PAPPA: variants seen among roughly 807,000 people sequenced by gnomAD.
PAPPA encodes pappalysin 1, also known as pappalysin-1.
In PAPPA, 60 loss-of-function variants were observed where a neutral mutation model predicts 164.0. That is an observed-to-expected ratio of 0.37 (90% CI 0.30 to 0.45). The LOEUF (loss-of-function observed/expected upper bound fraction) is 0.45, where lower values mean the gene tolerates loss of function less well. Ranked by LOEUF, PAPPA falls within the 20% of genes least tolerant of loss-of-function variation. The pLI is 1.00. For missense variants in PAPPA, 1,782 were observed against 2,087.3 expected, an observed-to-expected ratio of 0.85 and a Z score of 2.85; for synonymous variants, 875 against 814.1, an observed-to-expected ratio of 1.07 and a Z score of -1.27.
chr9:116,251,735 G>C (rs1028009395), intron 7 of PAPPA, among the ~76,000 whole-genome samples: 2 of 152,174 alleles, frequency 1.3e-5, no homozygotes, highest in African/African-American at 2.4e-5. Flanking sequence ...AGAATGTTTG[G>C]GGAAGCTGTC....
intron 17 of PAPPA, among the ~76,000 whole-genome samples, chr9:116,358,999 A>G (rs1424381502): frequency 3.9e-5 from 6 of 152,126 alleles, no homozygotes; most frequent in African/African-American, 1.4e-4. Context: ...CCTCATGATC[A>G]CTCTCTCAGG....
intron 6 of PAPPA, among the ~76,000 whole-genome samples, chr9:116,230,976 A>C (rs1328789684): frequency 6.6e-6 from 1 of 151,804 alleles, no homozygotes; most frequent in Non-Finnish European, 1.5e-5. Flanking sequence ...TGTTTTCTCT[A>C]TTTTTCTGCC....
intron 7 of PAPPA, among the ~76,000 whole-genome samples, chr9:116,244,245 C>G (rs892268246): frequency 6.6e-6 from 1 of 152,052 alleles, no homozygotes; most frequent in Non-Finnish European, 1.5e-5. Context: ...CTAATACCAC[C>G]AAAATTGCTT....
At chr9:116,348,710 G>T (rs1200988930) in intron 15 of PAPPA, among the ~76,000 whole-genome samples, 3 of 152,034 alleles carry the variant, frequency 2.0e-5, no homozygotes, top group East Asian at 3.9e-4. Context: ...GTGTCCATGT[G>T]TTCTCATTAT....
chr9:116,367,891 G>C, intron 19 of PAPPA, 137 bp downstream of exon 19: 1 of 676,258 alleles, frequency 1.5e-6, no homozygotes, highest in Non-Finnish European at 2.7e-6. Flanking sequence ...TGCCCTGTGG[G>C]TGTGTGTTGC....
intron 7 of PAPPA, among the ~76,000 whole-genome samples, chr9:116,253,528 A>T (rs1587973230): frequency 6.6e-6 from 1 of 152,168 alleles, no homozygotes; most frequent in Non-Finnish European, 1.5e-5. Context: ...TCCCAAGGGC[A>T]TACAATACTT....
At chr9:116,167,991 C>G (rs946600720) in intron 1 of PAPPA, among the ~76,000 whole-genome samples, 1 of 152,126 alleles carries the variant, frequency 6.6e-6, no homozygotes, top group African/African-American at 2.4e-5. Flanking sequence ...AAAATTGAAA[C>G]TAAAATTTAG....
Position 116,204,563 on chromosome 9 carries a change from G to A in PAPPA, c.1479-2893G>A, listed in dbSNP as rs141270712. Among the ~76,000 whole-genome samples, 647 of 152,192 alleles carry A rather than the reference G, an allele frequency of 4.3e-3. 6 individuals carry two copies. Among genetic ancestry groups the A allele is most frequent in the African/African-American group, 0.014 (599 of 41,534 alleles). On this transcript the variant is annotated intron_variant, in intron 2 of 21. Coordinates refer to ENST00000328252, the MANE Select transcript of PAPPA (RefSeq NM_002581.5). ...CGAAGTACTGGGACTACAGGCATGT[G>A]CCACCATGCCCAGCTAAATTTTTTG...
intron 21 of PAPPA, among the ~76,000 whole-genome samples, chr9:116,385,518 T>G (rs1846798107): frequency 6.6e-6 from 1 of 152,130 alleles, no homozygotes; most frequent in East Asian, 1.9e-4. Flanking sequence ...TGGCTCTCTG[T>G]TCCCATACTC....
intron 1 of PAPPA, among the ~76,000 whole-genome samples, chr9:116,161,463 A>G (rs1350153706): frequency 1.3e-5 from 2 of 152,178 alleles, no homozygotes; most frequent in East Asian, 3.9e-4. Flanking sequence ...CCTTCCCTTC[A>G]CCTTATTCCA....
chr9:116,368,142 A>G (rs73516156), intron 19 of PAPPA, among the ~76,000 whole-genome samples: 6,406 of 152,224 alleles, frequency 0.042, 417 homozygotes, highest in African/African-American at 0.13. Flanking sequence ...ATGGTGTTGT[A>G]TGGCTTCTCT....
chr9:116,346,189 T>C (rs1386552330), intron 14 of PAPPA, among the ~76,000 whole-genome samples: 2 of 152,188 alleles, frequency 1.3e-5, no homozygotes, highest in Non-Finnish European at 2.9e-5. Flanking sequence ...CCCTAGGATT[T>C]AGCGGCTTCC....
chr9:116,264,989 G>A (rs574903068), intron 7 of PAPPA, among the ~76,000 whole-genome samples: 1 of 152,110 alleles, frequency 6.6e-6, no homozygotes, highest in South Asian at 2.1e-4. Flanking sequence ...ATGCAGTCTA[G>A]GCAAGTTGGA....
chr9:116,227,239 G>A (rs1323473446), intron 5 of PAPPA, among the ~76,000 whole-genome samples, 192 bp from the exon 6 acceptor site: 2 of 152,182 alleles, frequency 1.3e-5, no homozygotes, highest in East Asian at 1.9e-4. Context: ...AGGCTCAAAC[G>A]AGGTTCTTGC....
chr9:116,161,412 A>G (rs568704663), intron 1 of PAPPA, among the ~76,000 whole-genome samples: 43 of 152,238 alleles, frequency 2.8e-4, no homozygotes, highest in Non-Finnish European at 5.3e-4. Context: ...AAACTTTTCA[A>G]ACTTCTGGGA....
chr9:116,206,044 T>C (rs1450904868), intron 2 of PAPPA, among the ~76,000 whole-genome samples: 1 of 152,194 alleles, frequency 6.6e-6, no homozygotes, highest in Non-Finnish European at 1.5e-5. Context: ...TCCTTCCTCG[T>C]TCTCTTCCCT....
intron 7 of PAPPA, among the ~76,000 whole-genome samples, chr9:116,245,580 T>G (rs1010212032): frequency 6.6e-6 from 1 of 152,198 alleles, no homozygotes; most frequent in East Asian, 1.9e-4. Context: ...GGTGATAGAT[T>G]GGATTCAAGC....
At chr9:116,356,003 C>T (rs1846349442) in intron 17 of PAPPA, among the ~76,000 whole-genome samples, 1 of 152,140 alleles carries the variant, frequency 6.6e-6, no homozygotes, top group Non-Finnish European at 1.5e-5. Context: ...AAATGCATGG[C>T]CCAGAGCATC....
chr9:116,175,827 T>G lies in PAPPA; in HGVS notation c.416-11327T>G, dbSNP rs1843827752. Among the ~76,000 whole-genome samples, 7 of 152,276 alleles carry G rather than the reference T, an allele frequency of 4.6e-5. No homozygotes were observed. In the South Asian group the frequency reaches 1.5e-3, roughly 32 times the overall value. On this transcript the variant is annotated intron_variant, in intron 1 of 21. Transcript: ENST00000328252. Reference sequence around the variant, plus strand: ...GGAGGTTGACCTCAGAAATGAGTCATACTGTCAACAGTGATCATTGCCATG... The same window carrying G: ...GGAGGTTGACCTCAGAAATGAGTCAGACTGTCAACAGTGATCATTGCCATG...
Sources: gnomAD v4.1 joint callset for allele counts (sites outside exome capture counted in the v4.1 genomes callset) on GRCh38, gnomAD v4.1.1 for gene constraint, MANE v1.5 for transcripts, NCBI Gene and HGNC (gene_info 2026-07-23, HGNC 2026-07-21) for gene names.